FIP1L1: variants seen among roughly 807,000 people sequenced by gnomAD.
FIP1L1 encodes factor interacting with PAPOLA and CPSF1.
In FIP1L1, 21 loss-of-function variants were observed where a neutral mutation model predicts 84.6. The observed-to-expected ratio is 0.25, with a 90% CI of 0.18 to 0.36. FIP1L1 has a LOEUF of 0.36. Ranked by LOEUF, FIP1L1 falls within the 10% of genes least tolerant of loss-of-function variation. The pLI is 1.00. For missense variants in FIP1L1, 526 were observed against 751.1 expected (o/e 0.70, Z 3.50); for synonymous variants, 263 against 242.3 (o/e 1.09, Z -0.80).
chr4:53,429,005 C>T (rs1385785044), intron 13 of FIP1L1, among the ~76,000 whole-genome samples: 2 of 152,188 alleles, frequency 1.3e-5, no homozygotes, highest in African/African-American at 4.8e-5. Context: ...GAGCCATGTA[C>T]TCTCACTCAC....
At chr4:53,427,639 T>G (rs549243120) in intron 12 of FIP1L1, among the ~76,000 whole-genome samples, 8 of 152,314 alleles carry the variant, frequency 5.3e-5, no homozygotes, top group African/African-American at 1.9e-4. Context: ...GTGTCTGTGA[T>G]TAATGATTAC....
At chr4:53,423,910 A>C (rs1027334489) in intron 11 of FIP1L1, among the ~76,000 whole-genome samples, 8 of 152,190 alleles carry the variant, frequency 5.3e-5, no homozygotes, top group African/African-American at 1.7e-4. Context: ...CATGTGTCCC[A>C]GACTTTTTGA....
intron 10 of FIP1L1, among the ~76,000 whole-genome samples, chr4:53,405,595 G>T (rs1316870306): frequency 6.8e-6 from 1 of 147,034 alleles, no homozygotes; most frequent in Non-Finnish European, 1.5e-5. Context: ...AAATTACCTT[G>T]GGCAGTATGG....
chr4:53,418,841 C>G (rs767447082), intron 11 of FIP1L1, among the ~76,000 whole-genome samples: 1 of 152,140 alleles, frequency 6.6e-6, no homozygotes, highest in Non-Finnish European at 1.5e-5. Context: ...TAAAACTGGA[C>G]GTTAAATGAA....
chr4:53,405,083 C>T (rs889095896), intron 10 of FIP1L1, among the ~76,000 whole-genome samples: 1 of 152,284 alleles, frequency 6.6e-6, no homozygotes, highest in Admixed American at 6.5e-5. Context: ...AGTCCTTGCC[C>T]ATGCCTGTGT....
In FIP1L1 at chr4:53,453,131, C is replaced by T. The variant is rs761388407; in HGVS notation, c.1497C>T (p.Asn499=). The change falls in exon 16 of 18, where the codon AAC becomes AAT. Residue 499 remains asparagine, a splice_region_variant and synonymous_variant. Coordinates refer to ENST00000337488, the MANE Select transcript of FIP1L1 (RefSeq NM_030917.4). ...RDHSPTPSVF[N]SDEERYRYRE... is the part of the protein sequence containing the mutation. ...ACAGTCCTACACCAAGTGTTTTCAA[C>T]AGGTTTGTTGGGTGTGCAGGAGTTT... 1 of 1,613,972 alleles carries T rather than the reference C, an allele frequency of 6.2e-7. No homozygotes were observed. The highest frequency in any genetic ancestry group is 8.5e-7 in the Non-Finnish European group (1 of 1,179,950).
chr4:53,412,801 T>C (rs550486531), intron 10 of FIP1L1, among the ~76,000 whole-genome samples: 1 of 152,268 alleles, frequency 6.6e-6, no homozygotes, highest in Non-Finnish European at 1.5e-5. Flanking sequence ...AGGCTAAATA[T>C]CCTGTTCCTC....
chr4:53,451,777 T>A (rs912923852), intron 15 of FIP1L1, among the ~76,000 whole-genome samples: 27 of 152,162 alleles, frequency 1.8e-4, no homozygotes, highest in African/African-American at 6.3e-4. Flanking sequence ...GCGTATATTG[T>A]TTATTTGGAT....
At position 53,389,851 on chromosome 4, in the gene FIP1L1, G is replaced by A; in HGVS notation, c.375G>A (p.Gly125=). Residue 125 remains glycine, a synonymous_variant, in exon 6 of 18, where the codon GGG becomes GGA. Transcript: ENST00000337488. ...CTGTAAATCTTAACATCAAGACAGG[G>A]GGAAGAGTTTATGGAACTACAGGTA... The part of the protein sequence containing the change: ...TAPVNLNIKT[G]GRVYGTTGTK... 1.0e-5 allele frequency: 16 copies of A among 1,601,130 alleles called. No individual in the cohort carries two copies. Among genetic ancestry groups the A allele is most frequent in the Non-Finnish European group, 1.4e-5 (16 of 1,175,790 alleles).
intron 10 of FIP1L1, among the ~76,000 whole-genome samples, 173 bp from the exon 11 acceptor site, chr4:53,414,442 C>T (rs1758532107): frequency 6.6e-6 from 1 of 151,274 alleles, no homozygotes; most frequent in African/African-American, 2.4e-5. Context: ...GATAGCACAT[C>T]TATATTTAAA....
chr4:53,381,552 AAC>A (rs1349975001), intron 3 of FIP1L1, among the ~76,000 whole-genome samples: 9 of 152,172 alleles, frequency 5.9e-5, no homozygotes, highest in African/African-American at 2.2e-4. Context: ...ATGAAAATAT[AAC>A]AGTTATGTTT....
chr4:53,380,279 C>T (rs1474736799), intron 3 of FIP1L1, among the ~76,000 whole-genome samples: 1 of 152,186 alleles, frequency 6.6e-6, no homozygotes, highest in Non-Finnish European at 1.5e-5. Flanking sequence ...TATATCCATA[C>T]AGCGGAATAT....
intron 11 of FIP1L1, among the ~76,000 whole-genome samples, chr4:53,421,757 TTC>T (rs1333357469): frequency 6.6e-6 from 1 of 152,228 alleles, no homozygotes; most frequent in Non-Finnish European, 1.5e-5. Context: ...GTTATAAACT[TTC>T]AAGCAATAAT....
intron 11 of FIP1L1, among the ~76,000 whole-genome samples, chr4:53,417,763 A>ACTCT (rs58568620): frequency 9.5e-6 from 1 of 105,242 alleles, no homozygotes; most frequent in African/African-American, 3.7e-5. Flanking sequence ...ACACACACAC[A>ACTCT]CTCTCTCTCT....
At chr4:53,446,761 TAGAA>T (rs1774357876) in intron 15 of FIP1L1, among the ~76,000 whole-genome samples, 9 of 152,280 alleles carry the variant, frequency 5.9e-5, no homozygotes, top group Middle Eastern at 3.4e-3. Flanking sequence ...TACTCCATAT[TAGAA>T]AGAGAGTAAT....
intron 10 of FIP1L1, among the ~76,000 whole-genome samples, chr4:53,404,088 C>G (rs1302960170): frequency 6.6e-6 from 1 of 151,134 alleles, no homozygotes; most frequent in East Asian, 1.9e-4. Flanking sequence ...TATACATGTG[C>G]CATGCTGGTG....
At chr4:53,425,633 A>T (rs1764024428) in intron 11 of FIP1L1, among the ~76,000 whole-genome samples, 2 of 152,126 alleles carry the variant, frequency 1.3e-5, no homozygotes, top group African/African-American at 2.4e-5. Context: ...ACAGAGACTT[A>T]AAACTTAACA....
chr4:53,381,696 A>G (rs1737961435), intron 3 of FIP1L1, among the ~76,000 whole-genome samples: 1 of 151,420 alleles, frequency 6.6e-6, no homozygotes, highest in Non-Finnish European at 1.5e-5. Context: ...AAAAAGCTTG[A>G]ATTATAGCCC....
intron 5 of FIP1L1, among the ~76,000 whole-genome samples, chr4:53,387,169 G>T (rs1372486279): frequency 6.6e-6 from 1 of 152,144 alleles, no homozygotes; most frequent in African/African-American, 2.4e-5. Flanking sequence ...GAGTATTAGA[G>T]AAACAGAAAT....
Sources: gnomAD v4.1 joint callset for allele counts (sites outside exome capture counted in the v4.1 genomes callset) on GRCh38, gnomAD v4.1.1 for gene constraint, MANE v1.5 for transcripts, NCBI Gene and HGNC (gene_info 2026-07-23, HGNC 2026-07-21) for gene names.